The following RBFOX1 variants were observed in gnomAD, a reference collection of about 807,000 sequenced individuals.
RBFOX1 encodes RNA binding fox-1 homolog 1.
In RBFOX1, 8 loss-of-function variants were observed where a neutral mutation model predicts 57.7. The ratio of observed to expected loss-of-function variants is 0.14; its 90% CI spans 0.08 to 0.25. The LOEUF is 0.25. Among genes scored for constraint, RBFOX1 ranks in the 10% least tolerant of loss-of-function variants. The pLI, the probability that RBFOX1 is intolerant of heterozygous loss-of-function variation, is 1.00. For missense variants in RBFOX1, 611 were observed against 548.5 expected (o/e 1.11, Z -1.14); for synonymous variants, 326 against 222.4 (o/e 1.47, Z -4.15).
chr16:5,441,927 T>G (rs901627744), intron 1 of RBFOX1, among the ~76,000 whole-genome samples: 6 of 152,284 alleles, frequency 3.9e-5, no homozygotes, highest in African/African-American at 1.4e-4. Context: ...ACATGGGGAT[T>G]ATGGGAACTA....
intron 3 of RBFOX1, among the ~76,000 whole-genome samples, chr16:5,798,071 AT>A (rs2054936862): frequency 6.6e-6 from 1 of 152,212 alleles, no homozygotes; most frequent in Non-Finnish European, 1.5e-5. Flanking sequence ...CTTAATAGCT[AT>A]GTGTCTTTGG....
chr16:6,020,240 C>G (rs1057160603), intron 1 of RBFOX1, among the ~76,000 whole-genome samples: 2 of 152,020 alleles, frequency 1.3e-5, no homozygotes, highest in African/African-American at 4.8e-5. Context: ...CTTCCTTGCC[C>G]CAGAGCGCCC....
chr16:5,595,433 C>T (rs1180121725), intron 2 of RBFOX1, among the ~76,000 whole-genome samples: 1 of 152,168 alleles, frequency 6.6e-6, no homozygotes, highest in Non-Finnish European at 1.5e-5. Flanking sequence ...GACTACTAGA[C>T]TTCTAACAAG....
intron 3 of RBFOX1, among the ~76,000 whole-genome samples, chr16:5,664,342 G>T (rs1041295312): frequency 6.6e-6 from 1 of 152,232 alleles, no homozygotes; most frequent in Admixed American, 6.5e-5. Flanking sequence ...GAGGTTGAGA[G>T]ATCGAGACCA....
chr16:5,681,926 C>G (rs1014432335), intron 3 of RBFOX1, among the ~76,000 whole-genome samples: 2 of 152,138 alleles, frequency 1.3e-5, no homozygotes, highest in East Asian at 1.9e-4. Context: ...ATCTTGAAGA[C>G]CATTGTAAGC....
At chr16:6,638,722 A>G (rs1401903076) in intron 2 of RBFOX1, among the ~76,000 whole-genome samples, 1 of 152,176 alleles carries the variant, frequency 6.6e-6, no homozygotes, top group Non-Finnish European at 1.5e-5. Flanking sequence ...GAGTACAAAA[A>G]ATTGAGAGGA....
intron 3 of RBFOX1, among the ~76,000 whole-genome samples, chr16:6,674,809 A>G (rs1263141032): frequency 6.6e-6 from 1 of 152,194 alleles, no homozygotes; most frequent in South Asian, 2.1e-4. Context: ...CCCAGAGAAA[A>G]CAAGACCCTA....
chr16:6,566,209 C>A (rs564958829), intron 2 of RBFOX1, among the ~76,000 whole-genome samples: 3 of 152,170 alleles, frequency 2.0e-5, no homozygotes, highest in Non-Finnish European at 4.4e-5. Context: ...GAAGGAGAAA[C>A]ATAATTTTTT....
At chr16:5,351,362 G>T (rs1433882523) in intron 1 of RBFOX1, among the ~76,000 whole-genome samples, 1 of 152,194 alleles carries the variant, frequency 6.6e-6, no homozygotes, top group Non-Finnish European at 1.5e-5. Flanking sequence ...ACCCCCTTTA[G>T]AGTTAAGGAA....
intron 2 of RBFOX1, among the ~76,000 whole-genome samples, chr16:6,584,926 G>T (rs2097585642): frequency 1.3e-5 from 2 of 152,172 alleles, no homozygotes; most frequent in African/African-American, 4.8e-5. Flanking sequence ...GACCTGCGTT[G>T]AAAACCAGTG....
intron 3 of RBFOX1, among the ~76,000 whole-genome samples, chr16:6,969,092 TCTC>T (rs2084940194): frequency 6.6e-6 from 1 of 152,098 alleles, no homozygotes; most frequent in South Asian, 2.1e-4. Context: ...GGAGAGACCT[TCTC>T]CTAATGCATT....
chr16:6,695,532 C>T (rs1179433378), intron 3 of RBFOX1, among the ~76,000 whole-genome samples: 2 of 151,694 alleles, frequency 1.3e-5, no homozygotes, highest in Non-Finnish European at 2.9e-5. Flanking sequence ...TTTCTTGGAG[C>T]CCTTAAGTGG....
chr16:5,827,687 C>G (rs1202362745), intron 3 of RBFOX1, among the ~76,000 whole-genome samples: 1 of 152,138 alleles, frequency 6.6e-6, no homozygotes, highest in African/African-American at 2.4e-5. Context: ...TAGATGGCAA[C>G]CCCTGCTTTG....
At chr16:6,093,872 C>T (rs892403539) in intron 1 of RBFOX1, among the ~76,000 whole-genome samples, 5 of 152,112 alleles carry the variant, frequency 3.3e-5, no homozygotes, top group South Asian at 2.1e-4. Context: ...CTCCCTCCTC[C>T]GCCTCCCAAA....
chr16:7,061,047 C>A (rs1025827426), intron 4 of RBFOX1, among the ~76,000 whole-genome samples: 1 of 138,040 alleles, frequency 7.2e-6, no homozygotes, highest in Admixed American at 7.1e-5. Context: ...TGTACGTGCA[C>A]GTGCACACAT....
intron 5 of RBFOX1, among the ~76,000 whole-genome samples, chr16:7,554,173 A>G (rs1019897918): frequency 6.6e-6 from 1 of 152,204 alleles, no homozygotes; most frequent in Non-Finnish European, 1.5e-5. Flanking sequence ...GGCTGATGGG[A>G]AAACTAACAG....
chr16:6,489,363 A>G (rs916649099), intron 2 of RBFOX1, among the ~76,000 whole-genome samples: 1 of 152,132 alleles, frequency 6.6e-6, no homozygotes, highest in Non-Finnish European at 1.5e-5. Flanking sequence ...TTTGCCGAGC[A>G]CTCTTGCAAA....
intron 4 of RBFOX1, among the ~76,000 whole-genome samples, chr16:7,405,881 G>A (rs1196460874): frequency 1.3e-5 from 2 of 152,094 alleles, no homozygotes; most frequent in African/African-American, 2.4e-5. Flanking sequence ...AGGCAGTTGT[G>A]GCTCTGTGTC....
intron 1 of RBFOX1, among the ~76,000 whole-genome samples, chr16:6,022,590 G>A (rs1437296165): frequency 1.3e-5 from 2 of 152,076 alleles, no homozygotes; most frequent in East Asian, 3.9e-4. Flanking sequence ...GCTGAAGTGG[G>A]AGAATCACCT....
Sources: allele counts gnomAD v4.1 joint callset (sites outside exome capture counted in the v4.1 genomes callset), GRCh38; gene constraint gnomAD v4.1.1; transcripts MANE v1.5; gene names NCBI Gene and HGNC (gene_info 2026-07-23, HGNC 2026-07-21).